The following STAU2 variants were observed in gnomAD, a reference collection of about 807,000 sequenced individuals.
The protein encoded by STAU2 is double-stranded RNA-binding protein Staufen homolog 2.
In STAU2, 20 loss-of-function variants were observed where a neutral mutation model predicts 65.9. That is an observed-to-expected ratio of 0.30 (90% CI 0.21 to 0.44). The LOEUF is 0.44. Ranked by LOEUF, STAU2 falls within the 20% of genes least tolerant of loss-of-function variation. STAU2 has a pLI of 1.00. For missense variants in STAU2, 558 were observed against 683.9 expected (o/e 0.82, Z 2.05); for synonymous variants, 232 against 233.9 (o/e 0.99, Z 0.07).
At chr8:73,525,165 T>C (rs1823281809) in intron 13 of STAU2, among the ~76,000 whole-genome samples, 2 of 152,224 alleles carry the variant, frequency 1.3e-5, no homozygotes, top group South Asian at 4.1e-4. Flanking sequence ...AATGTGACCA[T>C]CATCAACACA....
intron 9 of STAU2, among the ~76,000 whole-genome samples, chr8:73,606,949 G>C (rs960089848): frequency 2.0e-5 from 3 of 152,102 alleles, no homozygotes; most frequent in Admixed American, 1.3e-4. Flanking sequence ...AAATAATTAT[G>C]CTGGGTTAAA....
chr8:73,421,767 T>A (rs1362497315), intron 14 of STAU2, among the ~76,000 whole-genome samples: 1 of 152,246 alleles, frequency 6.6e-6, no homozygotes, highest in Non-Finnish European at 1.5e-5. Context: ...TTTTTTCTTA[T>A]TAAAAATTTT....
At chr8:73,602,706 G>C (rs1586098427) in intron 10 of STAU2, among the ~76,000 whole-genome samples, 1 of 123,092 alleles carries the variant, frequency 8.1e-6, no homozygotes, top group Admixed American at 9.1e-5. Flanking sequence ...CTGGCTGACA[G>C]AACAAGACCC....
intron 13 of STAU2, among the ~76,000 whole-genome samples, chr8:73,433,437 C>T (rs1360388545): frequency 6.6e-6 from 1 of 151,034 alleles, no homozygotes; most frequent in Non-Finnish European, 1.5e-5. Context: ...ATCTCCTGAC[C>T]TCATGATCCG....
chr8:73,500,553 ATT>A (rs1693217166), intron 13 of STAU2, among the ~76,000 whole-genome samples: 1 of 151,824 alleles, frequency 6.6e-6, no homozygotes, highest in Non-Finnish European at 1.5e-5. Context: ...TAAAAAAAAT[ATT>A]GTTGGCCCTG....
At chr8:73,701,095 A>C (rs1024164215) in intron 4 of STAU2, among the ~76,000 whole-genome samples, 1 of 152,090 alleles carries the variant, frequency 6.6e-6, no homozygotes, top group African/African-American at 2.4e-5. Context: ...CTAGACCCCT[A>C]TCTCTTGCCA....
At chr8:73,615,321 A>G (rs1812751890) in intron 8 of STAU2, among the ~76,000 whole-genome samples, 1 of 152,296 alleles carries the variant, frequency 6.6e-6, no homozygotes, top group East Asian at 1.9e-4. Flanking sequence ...ATTGGATATT[A>G]ACATGTATGT....
intron 11 of STAU2, among the ~76,000 whole-genome samples, chr8:73,589,102 A>G (rs1810585558): frequency 6.6e-6 from 1 of 152,198 alleles, no homozygotes; most frequent in Non-Finnish European, 1.5e-5. Flanking sequence ...AAAACCTCAC[A>G]TTACACAAAG....
intron 12 of STAU2, among the ~76,000 whole-genome samples, chr8:73,567,218 A>G (rs540848478): frequency 6.7e-6 from 1 of 148,594 alleles, no homozygotes; most frequent in African/African-American, 2.6e-5. Flanking sequence ...TTTTAAGATT[A>G]AAAAAAAGGC....
chr8:73,697,906 C>A (rs1451513985), intron 4 of STAU2, among the ~76,000 whole-genome samples: 1 of 151,854 alleles, frequency 6.6e-6, no homozygotes, highest in Non-Finnish European at 1.5e-5. Context: ...ACGGTGAAAC[C>A]CCATCTCTAC....
chr8:73,601,154 T>G lies in STAU2; in HGVS notation c.1029+2572A>C, dbSNP rs546159500. ...GACTGCCAAATGTTTGTCTTTAAAT[T>G]TAACAGCTCATTCACATGAATCAAA... On this transcript the variant is annotated intron_variant, in intron 10 of 14. Transcript: ENST00000524300. Among the ~76,000 whole-genome samples, 10 of 152,348 alleles carry G rather than the reference T, an allele frequency of 6.6e-5. No homozygotes were observed. In the South Asian group the frequency reaches 2.1e-3, roughly 32 times the overall value.
At position 73,480,563 on chromosome 8, in the gene STAU2, A is replaced by C. The variant is rs200742022; in HGVS notation, c.1531-57861T>G. 8.5e-5 allele frequency among the ~76,000 whole-genome samples: 13 copies of C among 152,264 alleles called. No homozygotes were observed. The East Asian group carries it at 2.3e-3, about 27-fold the overall frequency. On this transcript the variant is annotated intron_variant, in intron 13 of 14. Coordinates refer to ENST00000524300, the MANE Select transcript of STAU2 (RefSeq NM_001164380.2). ...AAAGGAGGGTCCAATGGATGACTTA[A>C]AATCCCCCAAAAGTGGACATGTCAA...
chr8:73,597,074 G>C (rs1811237982), intron 10 of STAU2, among the ~76,000 whole-genome samples: 1 of 152,010 alleles, frequency 6.6e-6, no homozygotes, highest in South Asian at 2.1e-4. Flanking sequence ...TCCACCTCAA[G>C]AAGTCCCAAA....
At chr8:73,537,124 T>C (rs2128935900) in intron 13 of STAU2, among the ~76,000 whole-genome samples, 1 of 151,572 alleles carries the variant, frequency 6.6e-6, no homozygotes, top group East Asian at 1.9e-4. Flanking sequence ...CATAGCAAAA[T>C]GGAAAGAACA....
At chr8:73,446,735 A>G (rs574457280) in intron 13 of STAU2, among the ~76,000 whole-genome samples, 1 of 152,236 alleles carries the variant, frequency 6.6e-6, no homozygotes, top group Non-Finnish European at 1.5e-5. Context: ...TTGGCCTCCC[A>G]AAGTGCTGAG....
chr8:73,593,572 A>G (rs1810971538), intron 11 of STAU2, among the ~76,000 whole-genome samples: 1 of 152,212 alleles, frequency 6.6e-6, no homozygotes, highest in Non-Finnish European at 1.5e-5. Flanking sequence ...GTCAAACATT[A>G]TTCTGAGTGT....
intron 10 of STAU2, 128 bp downstream of exon 10, chr8:73,603,596 CAG>C: frequency 7.3e-6 from 9 of 1,231,476 alleles, no homozygotes; most frequent in Non-Finnish European, 9.9e-6. Flanking sequence ...TGAGCCTGGA[CAG>C]AATGAATGCT....
intron 13 of STAU2, among the ~76,000 whole-genome samples, chr8:73,533,491 T>A (rs938836528): frequency 3.3e-5 from 5 of 152,224 alleles, no homozygotes; most frequent in African/African-American, 1.2e-4. Flanking sequence ...TAAACCCAGA[T>A]GAGATACTAT....
At chr8:73,634,331 C>A (rs1404311225) in intron 6 of STAU2, among the ~76,000 whole-genome samples, 1 of 152,010 alleles carries the variant, frequency 6.6e-6, no homozygotes, top group Non-Finnish European at 1.5e-5. Context: ...AGATTGAGAC[C>A]ATCCTGGTCA....
Sources: gnomAD v4.1 joint callset for allele counts (sites outside exome capture counted in the v4.1 genomes callset) on GRCh38, gnomAD v4.1.1 for gene constraint, MANE v1.5 for transcripts, NCBI Gene and HGNC (gene_info 2026-07-23, HGNC 2026-07-21) for gene names.